SIL1: variants seen among roughly 807,000 people sequenced by gnomAD.
SIL1 encodes SIL1 nucleotide exchange factor, also known as nucleotide exchange factor SIL1.
A neutral mutation model predicts 49.1 loss-of-function variants in SIL1; 40 were observed. That is an observed-to-expected ratio of 0.81 (90% CI 0.63 to 1.06). The LOEUF is 1.06. Among genes scored for constraint, SIL1 ranks in the 50% least tolerant of loss-of-function variants. SIL1 has a pLI of 0.00. For synonymous variants in SIL1, 253 were observed against 250.8 expected (o/e 1.01, Z -0.08); for missense variants, 500 against 572.6 (o/e 0.87, Z 1.29).
At chr5:139,103,422 A>G (rs1770635210) in intron 3 of SIL1, among the ~76,000 whole-genome samples, 1 of 152,236 alleles carries the variant, frequency 6.6e-6, no homozygotes, top group Non-Finnish European at 1.5e-5. Context: ...TCTGTGGAGA[A>G]TCAGAGAGAA....
intron 3 of SIL1, among the ~76,000 whole-genome samples, chr5:139,088,833 C>T (rs990103282): frequency 6.6e-6 from 1 of 152,228 alleles, no homozygotes; most frequent in South Asian, 2.1e-4. Context: ...AAGGACAATA[C>T]TCACTTCAGA....
chr5:139,061,276 C>T (rs11959727), intron 3 of SIL1, among the ~76,000 whole-genome samples: 62,473 of 152,060 alleles, frequency 0.41, 13,474 homozygotes, highest in African/African-American at 0.56. Flanking sequence ...CCTGCTTCAA[C>T]GAAGACAGGC....
intron 1 of SIL1, among the ~76,000 whole-genome samples, chr5:139,170,842 C>T (rs1751744421): frequency 6.6e-6 from 1 of 151,400 alleles, no homozygotes; most frequent in Non-Finnish European, 1.5e-5. Flanking sequence ...AGCCCCCCGC[C>T]CGGCCAGCCG....
In SIL1 at chr5:139,112,867, G is replaced by A. The variant is rs192430356; in HGVS notation, c.244+8168C>T. ...TTTGTGGAACAGAAAAGGGGGAAAT[G>A]TGGGGAAAAGATAGAGAAATCAGAT... On this transcript the variant is annotated intron_variant, in intron 3 of 9. Transcript: ENST00000394817. Among the ~76,000 whole-genome samples the A allele has an allele frequency of 4.1e-3, 628 of 152,292 alleles. 7 individuals are homozygous for A. Among genetic ancestry groups the A allele is most frequent in the African/African-American group, 9.9e-3 (411 of 41,570 alleles).
At chr5:139,051,124 G>A (rs1491002823) in intron 3 of SIL1, 78 bp from the exon 4 acceptor site, 4 of 1,292,354 alleles carry the variant, frequency 3.1e-6, no homozygotes, top group Non-Finnish European at 3.4e-6. Flanking sequence ...AAGCCAACAG[G>A]ACTTACTAGT....
At position 138,947,323 on chromosome 5, in the gene SIL1, G is replaced by T; in HGVS notation, c.1180C>A (p.Arg394Ser). Residue 394 changes from arginine to serine, a missense_variant, in exon 10 of 10, where the codon CGT becomes AGT. Physicochemically the swap from Arg to Ser is moderately radical, Grantham distance 110. Transcript: ENST00000394817. The surrounding 1 kb of genome is among the most constrained non-coding windows in gnomAD (Gnocchi z 4.1). ...CCCAGTGTCTGCAGCACCTTCTCACGGGCATCATGCTCGGGCAGCGCCAGG... is the reference window on the plus strand; with the variant it reads ...CCCAGTGTCTGCAGCACCTTCTCACTGGCATCATGCTCGGGCAGCGCCAGG... ...HLLALPEHDA[R>S]EKVLQTLGVL... is the part of the protein sequence containing the mutation. 6.2e-7 allele frequency: 1 copy of T among 1,613,562 alleles called. No homozygotes were observed. Among genetic ancestry groups the T allele is most frequent in the Non-Finnish European group, 8.5e-7 (1 of 1,180,028 alleles).
In SIL1 at chr5:139,048,776, G is replaced by A. The variant is rs371205307; in HGVS notation, c.353+2162C>T. On this transcript the variant is annotated intron_variant, in intron 4 of 9. Transcript: ENST00000394817. ...CTTCCTAAAAGTACTTTGAGGCACT[G>A]AAATATGTGTGTATTGTGGACGAAA... Among the ~76,000 whole-genome samples the A allele has an allele frequency of 3.3e-5, 5 of 152,362 alleles. 1 individual carries two copies. In the South Asian group the frequency reaches 1.0e-3, roughly 32 times the overall value.
chr5:139,060,363 A>G (rs978342244), intron 3 of SIL1, among the ~76,000 whole-genome samples: 1 of 152,190 alleles, frequency 6.6e-6, no homozygotes, highest in Non-Finnish European at 1.5e-5. Context: ...CAAGAAATTA[A>G]AAGTGCCCAA....
intron 7 of SIL1, among the ~76,000 whole-genome samples, chr5:138,965,670 C>A (rs1328590904): frequency 6.9e-6 from 1 of 144,622 alleles, no homozygotes; most frequent in Non-Finnish European, 1.5e-5. Context: ...TGGGAATAGG[C>A]TAACTCTAGG....
At chr5:139,177,245 T>C (rs946610326) in intron 1 of SIL1, among the ~76,000 whole-genome samples, 2 of 149,904 alleles carry the variant, frequency 1.3e-5, no homozygotes, top group African/African-American at 4.9e-5. Context: ...ATTTTATTTA[T>C]TTATTTATTT....
chr5:139,079,430 T>C (rs1357192456), intron 3 of SIL1, among the ~76,000 whole-genome samples: 1 of 152,190 alleles, frequency 6.6e-6, no homozygotes, highest in Non-Finnish European at 1.5e-5. Context: ...CATAGCTAAT[T>C]GTTATAGCAG....
At chr5:139,145,633 T>TGTGTGTGTGTGTGTGTGTGTGTGTGGGC (rs1751179012) in intron 1 of SIL1, among the ~76,000 whole-genome samples, 1 of 3,486 alleles carries the variant, frequency 2.9e-4, no homozygotes, top group Non-Finnish European at 4.1e-4. Flanking sequence ...TGGGGGCGTG[T>TGTGTGTGTGTGTGTGTGTGTGTGTGGGC]GTGTGTGTGT....
chr5:139,045,053 C>T (rs1477296921), intron 4 of SIL1, among the ~76,000 whole-genome samples: 1 of 152,126 alleles, frequency 6.6e-6, no homozygotes, highest in Admixed American at 6.5e-5. Flanking sequence ...CACAGTTGAC[C>T]CTCCCTTCTT....
rs187208771 is a variant in SIL1 at position 139,182,235 on chromosome 5, C to T, written c.-11+16034G>A. ...CACGCAGCACAAAAAGGCACTGTTCCCTAGGTCTAAGGAGAAGATTGCCCT... is the reference window on the plus strand; with the variant it reads ...CACGCAGCACAAAAAGGCACTGTTCTCTAGGTCTAAGGAGAAGATTGCCCT... On this transcript the variant is annotated intron_variant, in intron 1 of 9. Transcript: ENST00000394817. 4.2e-3 allele frequency among the ~76,000 whole-genome samples: 632 copies of T among 152,202 alleles called. 2 individuals are homozygous for T. The highest frequency in any genetic ancestry group is 0.015 in the African/African-American group (605 of 41,520).
chr5:139,169,981 C>T (rs1438313807), intron 1 of SIL1, among the ~76,000 whole-genome samples: 3 of 152,232 alleles, frequency 2.0e-5, no homozygotes, highest in African/African-American at 4.8e-5. Context: ...ATTCTCCTGC[C>T]TCAGCCTGCC....
chr5:139,043,753 G>A (rs1769095310), intron 4 of SIL1, among the ~76,000 whole-genome samples: 1 of 152,218 alleles, frequency 6.6e-6, no homozygotes, highest in Non-Finnish European at 1.5e-5. Context: ...TCCATCATGT[G>A]GGAGCAAGGT....
At chr5:139,055,650 C>T (rs1240957197) in intron 3 of SIL1, among the ~76,000 whole-genome samples, 1 of 131,274 alleles carries the variant, frequency 7.6e-6, no homozygotes, top group Admixed American at 7.6e-5. Context: ...CTCCCTCTCC[C>T]CACGGTCTCC....
At chr5:139,120,562 G>A (rs1415297455) in intron 3 of SIL1, among the ~76,000 whole-genome samples, 1 of 152,132 alleles carries the variant, frequency 6.6e-6, no homozygotes, top group African/African-American at 2.4e-5. Context: ...TTCCTTCTGA[G>A]GATGCACTAT....
intron 1 of SIL1, among the ~76,000 whole-genome samples, chr5:139,142,733 C>T (rs375801191): frequency 2.6e-5 from 4 of 152,048 alleles, no homozygotes; most frequent in African/African-American, 9.7e-5. Context: ...ACCAAGAACA[C>T]GACAAAGATA....
Sources: gnomAD v4.1 joint callset for allele counts (sites outside exome capture counted in the v4.1 genomes callset) on GRCh38, gnomAD v4.1.1 for gene constraint, Gnocchi (gnomAD v3.1) non-coding constraint, MANE v1.5 for transcripts, NCBI Gene and HGNC (gene_info 2026-07-23, HGNC 2026-07-21) for gene names.